Variants in NDFIP2 observed in about 807,000 individuals in gnomAD.
The protein encoded by NDFIP2 is NEDD4 family-interacting protein 2.
In NDFIP2, 19 loss-of-function variants were observed where a neutral mutation model predicts 36.0. That is an observed-to-expected ratio of 0.53 (90% CI 0.37 to 0.77). The LOEUF is 0.77. Among genes scored for constraint, NDFIP2 ranks in the 30% least tolerant of loss-of-function variants. NDFIP2 has a pLI of 0.00. For missense variants in NDFIP2, 446 were observed against 435.8 expected (o/e 1.02, Z -0.21); for synonymous variants, 181 against 167.7 (o/e 1.08, Z -0.61).
intron 1 of NDFIP2, among the ~76,000 whole-genome samples, chr13:79,514,992 A>G (rs1026919130): frequency 2.0e-5 from 3 of 152,274 alleles, no homozygotes; most frequent in Middle Eastern, 6.8e-3. Flanking sequence ...AACAATGGGG[A>G]TATGCTCTGA....
chr13:79,511,646 T>G (rs1566659051), intron 1 of NDFIP2, among the ~76,000 whole-genome samples: 1 of 152,138 alleles, frequency 6.6e-6, no homozygotes. Flanking sequence ...CCCATTTCCA[T>G]GAGGGAAAAA....
intron 1 of NDFIP2, among the ~76,000 whole-genome samples, chr13:79,506,877 G>C (rs1206691843): frequency 6.6e-6 from 1 of 152,050 alleles, no homozygotes; most frequent in African/African-American, 2.4e-5. Flanking sequence ...TAAGATCTAG[G>C]TAAATGTTGA....
intron 1 of NDFIP2, among the ~76,000 whole-genome samples, chr13:79,497,477 A>G (rs924291839): frequency 6.4e-4 from 97 of 151,960 alleles, no homozygotes; most frequent in Non-Finnish European, 1.2e-3. Flanking sequence ...TACAAGTTTC[A>G]GCTTCCTGCT....
intron 1 of NDFIP2, among the ~76,000 whole-genome samples, chr13:79,492,161 A>G (rs370199816): frequency 2.0e-5 from 3 of 152,234 alleles, no homozygotes; most frequent in African/African-American, 7.2e-5. Context: ...AGAATCTTCT[A>G]ATGTGATGGT....
chr13:79,487,027 C>T lies in NDFIP2; in HGVS notation c.321+5503C>T, dbSNP rs541428123. On this transcript the variant is annotated intron_variant, in intron 1 of 7. Coordinates refer to ENST00000218652, the MANE Select transcript of NDFIP2 (RefSeq NM_019080.3). ...GACGTCATCTAAACCTAATTACCTC[C>T]TATAGGCTCTAACTTCAAATAACAT... is the stretch of plus-strand genomic sequence containing the variant. 1.5e-3 allele frequency among the ~76,000 whole-genome samples: 226 copies of T among 152,150 alleles called. 1 individual carries two copies. Among genetic ancestry groups the T allele is most frequent in the South Asian group, 2.5e-3 (12 of 4,828 alleles).
At chr13:79,506,970 CAGTA>C (rs1034688802) in intron 1 of NDFIP2, among the ~76,000 whole-genome samples, 1 of 151,988 alleles carries the variant, frequency 6.6e-6, no homozygotes, top group African/African-American at 2.4e-5. Context: ...TTATAAAAAA[CAGTA>C]AGAAATCGGA....
intron 5 of NDFIP2, among the ~76,000 whole-genome samples, chr13:79,546,506 G>A (rs190068480): frequency 6.6e-6 from 1 of 151,964 alleles, no homozygotes; most frequent in Admixed American, 6.5e-5. Context: ...GATTTCTCTA[G>A]CCTGTGACTG....
At chr13:79,528,387 GTTAAAT>G (rs1344270362) in intron 2 of NDFIP2, among the ~76,000 whole-genome samples, 1 of 152,182 alleles carries the variant, frequency 6.6e-6, no homozygotes, top group East Asian at 1.9e-4. Flanking sequence ...GAGTCACAAA[GTTAAAT>G]TTAAAAGTAT....
intron 1 of NDFIP2, among the ~76,000 whole-genome samples, chr13:79,487,374 T>A (rs750203420): frequency 6.6e-6 from 1 of 152,212 alleles, no homozygotes; most frequent in Non-Finnish European, 1.5e-5. Context: ...TATCATATAG[T>A]TTTCATCGTA....
intron 4 of NDFIP2, among the ~76,000 whole-genome samples, chr13:79,542,282 T>C (rs1210592691): frequency 6.6e-6 from 1 of 152,226 alleles, no homozygotes; most frequent in East Asian, 1.9e-4. Context: ...ATCACCTGCA[T>C]TATTATCATT....
chr13:79,555,602 A>G lies in NDFIP2; in HGVS notation c.*3089A>G, dbSNP rs1459698274. On this transcript the variant is annotated 3_prime_UTR_variant, in exon 8 of 8. Coordinates refer to ENST00000218652, the MANE Select transcript of NDFIP2 (RefSeq NM_019080.3). ...TTTTTTTAATAGTTGTATTTGAATGATTCCAGCTTATCGTAAATACTAAAC... is the reference window on the plus strand; with the variant it reads ...TTTTTTTAATAGTTGTATTTGAATGGTTCCAGCTTATCGTAAATACTAAAC... The G allele has an allele frequency of 1.3e-5, 2 of 151,966 alleles. No homozygotes were observed. Among genetic ancestry groups the G allele is most frequent in the Non-Finnish European group, 2.9e-5 (2 of 67,942 alleles). The allele number at this position is 151,966 out of a possible 1,614,324, so 9.4% of individuals were successfully genotyped here.
intron 1 of NDFIP2, among the ~76,000 whole-genome samples, chr13:79,514,125 T>C (rs1874180353): frequency 1.3e-5 from 2 of 152,232 alleles, no homozygotes; most frequent in South Asian, 4.1e-4. Context: ...GAGAAGTTAA[T>C]GTTCTCCAGC....
At chr13:79,541,696 A>G (rs1362891642) in intron 4 of NDFIP2, among the ~76,000 whole-genome samples, 1 of 152,076 alleles carries the variant, frequency 6.6e-6, no homozygotes, top group Non-Finnish European at 1.5e-5. Context: ...TCTAATAGCT[A>G]CTGTGGGTAA....
At chr13:79,491,418 C>CTCTG (rs1229701174) in intron 1 of NDFIP2, among the ~76,000 whole-genome samples, 1 of 150,680 alleles carries the variant, frequency 6.6e-6, no homozygotes. Flanking sequence ...CTTAGTCTTC[C>CTCTG]TCTGTCTCTC....
intron 1 of NDFIP2, among the ~76,000 whole-genome samples, chr13:79,516,771 G>GT (rs1327598705): frequency 6.6e-6 from 1 of 152,072 alleles, no homozygotes; most frequent in African/African-American, 2.4e-5. Context: ...AGACTCTAAT[G>GT]TAGTGCACTG....
At chr13:79,493,143 T>C (rs1010688591) in intron 1 of NDFIP2, among the ~76,000 whole-genome samples, 1 of 152,172 alleles carries the variant, frequency 6.6e-6, no homozygotes, top group Non-Finnish European at 1.5e-5. Context: ...TTTATAATAG[T>C]TTATGTCATT....
chr13:79,555,434 G>A lies in NDFIP2; in HGVS notation c.*2921G>A, dbSNP rs1339450477. ...AGGATAAGTTATATGATCATCCTGT[G>A]TATAATTGTAGACTGTACCAAGAAG... is the stretch of plus-strand genomic sequence containing the variant. On this transcript the variant is annotated 3_prime_UTR_variant, in exon 8 of 8. Coordinates refer to ENST00000218652, the MANE Select transcript of NDFIP2 (RefSeq NM_019080.3). The A allele has an allele frequency of 2.6e-5, 4 of 151,560 alleles. No individual in the cohort carries two copies. The highest frequency in any genetic ancestry group is 9.7e-5 in the African/African-American group (4 of 41,266). The allele number at this position is 151,560 out of a possible 1,614,324, so 9.4% of individuals were successfully genotyped here.
chr13:79,489,238 A>T (rs886644829), intron 1 of NDFIP2, among the ~76,000 whole-genome samples: 2 of 152,164 alleles, frequency 1.3e-5, no homozygotes, highest in African/African-American at 4.8e-5. Context: ...AAGATGGCTC[A>T]CTCACTTGGC....
chr13:79,550,547 T>C (rs1875865362), intron 6 of NDFIP2, among the ~76,000 whole-genome samples: 1 of 151,672 alleles, frequency 6.6e-6, no homozygotes, highest in African/African-American at 2.4e-5. Context: ...GATATTACTA[T>C]ACAGGCTTAT....
Sources: gnomAD v4.1 joint callset for allele counts (sites outside exome capture counted in the v4.1 genomes callset) on GRCh38, gnomAD v4.1.1 for gene constraint, MANE v1.5 for transcripts, NCBI Gene and HGNC (gene_info 2026-07-23, HGNC 2026-07-21) for gene names.